The following MID1 variants were observed in gnomAD, a reference collection of about 807,000 sequenced individuals.
MID1 encodes the protein E3 ubiquitin-protein ligase Midline-1.
Under a neutral mutation model 40.4 loss-of-function variants are expected in MID1, and 7 were observed. The observed-to-expected ratio is 0.17, with a 90% confidence interval of 0.10 to 0.33. The LOEUF (loss-of-function observed/expected upper bound fraction) is 0.33, where lower values mean the gene tolerates loss of function less well. MID1 is among the 10% of genes least tolerant of loss of function. The pLI is 1.00. For synonymous variants in MID1, 229 were observed against 221.2 expected, an observed-to-expected ratio of 1.04 and a Z score of -0.31; for missense variants, 367 against 558.5, an observed-to-expected ratio of 0.66 and a Z score of 3.46.
chrX:10,703,993 A>G (rs1446016372), intron 1 of MID1, among the ~76,000 whole-genome samples: 2 of 112,422 alleles, frequency 1.8e-5, no homozygotes, highest in African/African-American at 3.2e-5. Context: ...AAACAAATCT[A>G]TTGCTAAAAC....
chrX:10,785,804 A>G (rs2043878481), intron 1 of MID1, among the ~76,000 whole-genome samples: 1 of 112,330 alleles, frequency 8.9e-6, no homozygotes, highest in South Asian at 3.7e-4. Context: ...TACGCCTTAT[A>G]CAAAAATTAA....
intron 1 of MID1, among the ~76,000 whole-genome samples, chrX:10,648,935 C>T (rs181717121): frequency 3.9e-4 from 43 of 111,663 alleles, no homozygotes; most frequent in Non-Finnish European, 6.2e-4. Flanking sequence ...TTCATATTGG[C>T]CACTATATAG....
chrX:10,772,204 T>C (rs1369916918), intron 1 of MID1, among the ~76,000 whole-genome samples: 2 of 111,089 alleles, frequency 1.8e-5, no homozygotes, highest in East Asian at 2.8e-4. Context: ...TATTTCATCA[T>C]ATATATGATG....
intron 2 of MID1, among the ~76,000 whole-genome samples, chrX:10,537,006 T>C (rs1421032835): frequency 2.7e-5 from 3 of 111,431 alleles, no homozygotes; most frequent in African/African-American, 9.8e-5. Context: ...GGTTCAGGCA[T>C]GGATGCTGCA....
At chrX:10,481,398 T>C (rs1602282337) in intron 5 of MID1, among the ~76,000 whole-genome samples, 1 of 112,151 alleles carries the variant, frequency 8.9e-6, no homozygotes, top group African/African-American at 3.2e-5. Context: ...TATGTGGCAT[T>C]GGCTGTACCT....
intron 1 of MID1, among the ~76,000 whole-genome samples, chrX:10,708,044 A>G (rs111397033): frequency 0.056 from 6,281 of 112,595 alleles, 180 homozygotes; most frequent in Non-Finnish European, 0.091. Flanking sequence ...TGAATCTTCA[A>G]TGTCAAGACC....
chrX:10,495,782 T>A, intron 3 of MID1, 91 bp from the exon 4 acceptor site: 1 of 633,022 alleles, frequency 1.6e-6, no homozygotes, highest in Non-Finnish European at 2.6e-6. Context: ...TTTCTAGTAA[T>A]CTCTGAAAAG....
chrX:10,780,621 T>C (rs917589125), intron 1 of MID1, among the ~76,000 whole-genome samples: 5 of 111,553 alleles, frequency 4.5e-5, no homozygotes, highest in African/African-American at 1.6e-4. Context: ...TTAAATAGAG[T>C]TGGGAAGAAG....
intron 1 of MID1, among the ~76,000 whole-genome samples, chrX:10,756,764 C>T (rs962309923): frequency 8.9e-6 from 1 of 112,073 alleles, no homozygotes; most frequent in Non-Finnish European, 1.9e-5. Flanking sequence ...GATATAAAGT[C>T]AGGCCTTTAT....
chrX:10,567,252 T>G lies in MID1; in HGVS notation c.296A>C (p.Glu99Ala). The change falls in exon 2 of 10, where the codon GAG becomes GCG. Residue 99 changes from glutamate (E) to alanine (A), a missense_variant. Physicochemically the swap from Glu to Ala is moderately radical, Grantham distance 107. Transcript: ENST00000317552. The stretch of plus-strand genomic sequence containing the variant: ...GTCAAAGGCCCGCTCCCGACGGGTC[T>G]CGCTGGGAGAGTTGGGCCCGCTCAC... Reference protein sequence around the residue: ...ASVSGPNSPSETRRERAFDAN... With the variant: ...ASVSGPNSPSATRRERAFDAN... The G allele has an allele frequency of 8.3e-7, 1 of 1,208,027 alleles. No individual in the cohort carries two copies. Among genetic ancestry groups the G allele is most frequent in the Non-Finnish European group, 1.1e-6 (1 of 892,818 alleles).
chrX:10,586,137 C>T (rs1935137128), intron 1 of MID1, among the ~76,000 whole-genome samples: 2 of 111,147 alleles, frequency 1.8e-5, no homozygotes, highest in Non-Finnish European at 3.8e-5. Context: ...AGTTCCAGTA[C>T]ACTTATAATA....
chrX:10,533,372 GAAAGA>G (rs1569089741), intron 2 of MID1, among the ~76,000 whole-genome samples: 19 of 49,632 alleles, frequency 3.8e-4, no homozygotes, highest in African/African-American at 3.3e-4. Context: ...AAGAAAGAAA[GAAAGA>G]AAAAGAAAGA....
At chrX:10,631,540 T>C (rs1936052439) in intron 1 of MID1, among the ~76,000 whole-genome samples, 1 of 111,601 alleles carries the variant, frequency 9.0e-6, no homozygotes, top group Admixed American at 9.5e-5. Context: ...CAGCACATAG[T>C]AAATACTCAA....
chrX:10,625,566 C>G (rs1935987211), upstream of MID1, among the ~76,000 whole-genome samples: 1 of 112,113 alleles, frequency 8.9e-6, no homozygotes, highest in Non-Finnish European at 1.9e-5. Context: ...AGAAGGCCGT[C>G]TTCTTTATCA....
At chrX:10,722,704 C>G (rs1323361264) in intron 1 of MID1, among the ~76,000 whole-genome samples, 2 of 111,696 alleles carry the variant, frequency 1.8e-5, no homozygotes, top group East Asian at 5.6e-4. Flanking sequence ...CAAAGGGAGA[C>G]GAGGCCATCA....
chrX:10,556,480 T>C (rs1388299571), intron 2 of MID1, among the ~76,000 whole-genome samples: 5 of 112,018 alleles, frequency 4.5e-5, no homozygotes, highest in African/African-American at 1.6e-4. Context: ...TATAATTCCC[T>C]TGAGAGTTGT....
rs1380094245 is a variant in MID1 at position 10,685,853 on chromosome X, C to T, written c.-186-65434G>A. Among the ~76,000 whole-genome samples the T allele has an allele frequency of 8.9e-5, 9 of 100,859 alleles. No homozygotes were observed. The Admixed American group carries it at 9.0e-4, about 10-fold the overall frequency. The allele number at this position is 100,859 out of a possible 115,157, so 87.6% of individuals were successfully genotyped here. ...TTCAGTGAAACTTCAGGGGACCCCT[C>T]GGCCCCTACACCCCACATACTCATA... On this transcript the variant is annotated intron_variant, in intron 1 of 10. Transcript: ENST00000380785.
intron 3 of MID1, among the ~76,000 whole-genome samples, chrX:10,502,390 G>A (rs1222249863): frequency 3.6e-5 from 4 of 111,991 alleles, no homozygotes; most frequent in African/African-American, 1.3e-4. Context: ...GTACACAGAC[G>A]GAAACACTGA....
At chrX:10,607,761 C>T (rs1046259385) in intron 1 of MID1, among the ~76,000 whole-genome samples, 4 of 112,237 alleles carry the variant, frequency 3.6e-5, no homozygotes, top group African/African-American at 9.7e-5. Flanking sequence ...GGTGTTGGGG[C>T]GTGCATCTGC....
Sources: allele counts gnomAD v4.1 joint callset (sites outside exome capture counted in the v4.1 genomes callset), GRCh38; gene constraint gnomAD v4.1.1; transcripts MANE v1.5; gene names NCBI Gene and HGNC (gene_info 2026-07-23, HGNC 2026-07-21).